The following MYT1L variants were observed in gnomAD, a reference collection of about 807,000 sequenced individuals.
MYT1L encodes the protein myelin transcription factor 1 like, also known as myelin transcription factor 1-like protein.
Under a neutral mutation model 126.7 loss-of-function variants are expected in MYT1L, and 12 were observed. The observed-to-expected ratio is 0.09, with a 90% CI of 0.06 to 0.15. The LOEUF is 0.15. MYT1L is among the 10% of genes least tolerant of loss of function. The pLI is 1.00. For synonymous variants in MYT1L, 541 were observed against 604.2 expected, an observed-to-expected ratio of 0.90 and a Z score of 1.53; for missense variants, 979 against 1,585.2, an observed-to-expected ratio of 0.62 and a Z score of 6.49.
chr2:2,163,595 G>A (rs1227440593), intron 3 of MYT1L, among the ~76,000 whole-genome samples: 10 of 151,866 alleles, frequency 6.6e-5, no homozygotes, highest in East Asian at 3.9e-4. Context: ...AGCGGGGTGC[G>A]GTGGCGGGCG....
intron 21 of MYT1L, among the ~76,000 whole-genome samples, chr2:1,837,311 G>A (rs1294425697): frequency 6.6e-6 from 1 of 152,250 alleles, no homozygotes; most frequent in African/African-American, 2.4e-5. Flanking sequence ...CTGGAGTGCA[G>A]AAATGCTCAC....
At chr2:2,105,500 G>T (rs931857204) in intron 3 of MYT1L, among the ~76,000 whole-genome samples, 9 of 152,040 alleles carry the variant, frequency 5.9e-5, no homozygotes, top group Admixed American at 4.6e-4. Context: ...CTTTATTTCT[G>T]CTCATGACAT....
At chr2:2,019,357 G>C (rs536708423) in intron 4 of MYT1L, among the ~76,000 whole-genome samples, 12 of 152,174 alleles carry the variant, frequency 7.9e-5, no homozygotes, top group African/African-American at 2.7e-4. Flanking sequence ...CCATGATTGC[G>C]AGGCCTCCTC....
chr2:2,176,248 TAAGAAA>T (rs144640086), intron 2 of MYT1L, among the ~76,000 whole-genome samples: 3,437 of 152,240 alleles, frequency 0.023, 70 homozygotes, highest in South Asian at 0.044. Flanking sequence ...GACATCTTAA[TAAGAAA>T]AAGTAGGAAA....
At position 2,205,232 on chromosome 2, in the gene MYT1L, C is replaced by T. The variant is rs553349386; in HGVS notation, c.-420-32244G>A. Among the ~76,000 whole-genome samples, 192 of 151,416 alleles carry T rather than the reference C, an allele frequency of 1.3e-3. 1 individual carries two copies. Among genetic ancestry groups the T allele is most frequent in the Middle Eastern group, 3.4e-3 (1 of 294 alleles). On this transcript the variant is annotated intron_variant, in intron 2 of 24. Transcript: ENST00000647738. ...TGTATACATATGTAACAAACCTGCA[C>T]GTTGTGCACATGTACCCTAAAACGT...
At chr2:1,992,243 T>C (rs1291766180) in intron 5 of MYT1L, among the ~76,000 whole-genome samples, 1 of 152,222 alleles carries the variant, frequency 6.6e-6, no homozygotes, top group Non-Finnish European at 1.5e-5. Context: ...AGTTCCTGAA[T>C]GTATGAGGTG....
At chr2:1,853,381 G>A (rs1022021664) in intron 18 of MYT1L, among the ~76,000 whole-genome samples, 6 of 152,186 alleles carry the variant, frequency 3.9e-5, no homozygotes, top group Non-Finnish European at 5.9e-5. Context: ...CCTGATTTTT[G>A]TTCAAGTAAC....
At chr2:1,837,321 C>T (rs1443223495) in intron 21 of MYT1L, among the ~76,000 whole-genome samples, 2 of 152,178 alleles carry the variant, frequency 1.3e-5, no homozygotes, top group African/African-American at 2.4e-5. Flanking sequence ...GAAATGCTCA[C>T]GTGAGAGGAC....
intron 5 of MYT1L, among the ~76,000 whole-genome samples, chr2:1,994,259 G>A (rs757268271): frequency 2.0e-5 from 3 of 152,182 alleles, no homozygotes; most frequent in African/African-American, 2.4e-5. Flanking sequence ...GCTCAGCCCT[G>A]GTTCAGGCCC....
rs934255054 is a variant in MYT1L, at chr2:1,811,891, C to T, written c.3081-2724G>A. ...ATCCCAGCAGGACGCCCTGCAAATC[C>T]GGCTGGGGTGGGGGCTGACACTTCT... On this transcript the variant is annotated intron_variant, in intron 21 of 24. Coordinates refer to ENST00000647738, the MANE Select transcript of MYT1L (RefSeq NM_001303052.2). The surrounding 1 kb of genome is among the most constrained non-coding windows in gnomAD (Gnocchi z 4.4). Among the ~76,000 whole-genome samples the T allele has an allele frequency of 6.6e-6, 1 of 152,310 alleles. No homozygotes were observed. Among genetic ancestry groups the T allele is most frequent in the African/African-American group, 2.4e-5 (1 of 41,586 alleles).
chr2:2,259,389 T>C (rs1290546350), intron 2 of MYT1L, among the ~76,000 whole-genome samples: 1 of 126,518 alleles, frequency 7.9e-6, no homozygotes, highest in Non-Finnish European at 1.6e-5. Flanking sequence ...AAACTTAGAG[T>C]ATAATAAAAA....
intron 2 of MYT1L, among the ~76,000 whole-genome samples, chr2:2,185,444 G>A (rs962468337): frequency 1.3e-5 from 2 of 151,800 alleles, no homozygotes; most frequent in East Asian, 3.9e-4. Context: ...GGGGGACGCA[G>A]CCGGGCCTCC....
chr2:2,162,599 G>A (rs2088204784), intron 3 of MYT1L, among the ~76,000 whole-genome samples: 1 of 152,192 alleles, frequency 6.6e-6, no homozygotes, highest in Admixed American at 6.5e-5. Flanking sequence ...AGGGAACACT[G>A]TGGCCTGGCC....
intron 8 of MYT1L, among the ~76,000 whole-genome samples, chr2:1,975,371 A>C (rs1432602902): frequency 6.7e-6 from 1 of 148,970 alleles, no homozygotes; most frequent in African/African-American, 2.5e-5. Flanking sequence ...AAGCAATAAA[A>C]TTGTAAACTA....
intron 21 of MYT1L, among the ~76,000 whole-genome samples, chr2:1,830,951 C>T (rs182546153): frequency 3.2e-4 from 49 of 152,284 alleles, no homozygotes; most frequent in Non-Finnish European, 6.2e-4. Context: ...AGTAAGGCTC[C>T]CACGCTGCTG....
chr2:2,066,339 G>T (rs1028976828), intron 3 of MYT1L, among the ~76,000 whole-genome samples: 1 of 152,096 alleles, frequency 6.6e-6, no homozygotes, highest in Non-Finnish European at 1.5e-5. Flanking sequence ...AACTTCCAGT[G>T]AGGCAGGAAC....
chr2:1,859,266 A>G (rs1272788373), intron 18 of MYT1L, among the ~76,000 whole-genome samples: 1 of 152,232 alleles, frequency 6.6e-6, no homozygotes, highest in African/African-American at 2.4e-5. Flanking sequence ...GCTTTCTGAT[A>G]TATGTAACCT....
chr2:2,189,952 A>G (rs1224648396), intron 2 of MYT1L, among the ~76,000 whole-genome samples: 1 of 152,090 alleles, frequency 6.6e-6, no homozygotes, highest in East Asian at 1.9e-4. Context: ...TCGGGACCAC[A>G]CAGTTCCTTC....
intron 21 of MYT1L, among the ~76,000 whole-genome samples, chr2:1,835,246 T>C (rs6744313): frequency 0.48 from 73,597 of 152,156 alleles, 19,981 homozygotes; most frequent in African/African-American, 0.74. Context: ...ACTGACTCAA[T>C]ATCATAGCTT....
Sources: allele counts gnomAD v4.1 joint callset (sites outside exome capture counted in the v4.1 genomes callset), GRCh38; gene constraint gnomAD v4.1.1; non-coding constraint Gnocchi (gnomAD v3.1); transcripts MANE v1.5; gene names NCBI Gene and HGNC (gene_info 2026-07-23, HGNC 2026-07-21).